The following TTN variants were observed in gnomAD, a reference collection of about 807,000 sequenced individuals.
The protein encoded by TTN is titin, also known as connectin.
TTN carries 1,525 observed loss-of-function variants against 3,223.0 expected under a neutral mutation model. The observed-to-expected ratio is 0.47, with a 90% confidence interval of 0.45 to 0.49. TTN has a LOEUF of 0.49. Among genes scored for constraint, TTN ranks in the 20% least tolerant of loss-of-function variants. TTN has a pLI of 0.00. For synonymous variants in TTN, 14,094 were observed against 15,161.0 expected, an observed-to-expected ratio of 0.93 and a Z score of 5.17; for missense variants, 40,786 against 43,424.0, an observed-to-expected ratio of 0.94 and a Z score of 5.40.
chr2:178,729,636 A>G lies in TTN; in HGVS notation c.18589+28T>C, dbSNP rs774339879. 1.9e-6 allele frequency: 3 copies of G among 1,613,614 alleles called. No homozygotes were observed. The Admixed American group carries it at 5.0e-5, about 27-fold the overall frequency. ...CCAAACTTATCAGGCAGCACAGCCAAAATGGAGAATAGATTCCATTCACGA... is the reference window on the plus strand; with the variant it reads ...CCAAACTTATCAGGCAGCACAGCCAGAATGGAGAATAGATTCCATTCACGA... On this transcript the variant is annotated intron_variant, in intron 63 of 362. Coordinates refer to ENST00000589042, the MANE Select transcript of TTN (RefSeq NM_001267550.2).
At chr2:178,745,715 TCA>T in intron 47 of TTN, 2 of 1,612,222 alleles carry the variant, frequency 1.2e-6, no homozygotes, top group Non-Finnish European at 1.7e-6. Context: ...GCCACTTTCC[TCA>T]ACAGTGAACC....
chr2:178,538,784 G>A lies in TTN; in HGVS notation c.99045C>T (p.Val33015=), dbSNP rs199642780. The A allele has an allele frequency of 2.8e-5, 45 of 1,613,526 alleles. No individual in the cohort carries two copies. The East Asian group carries it at 9.1e-4, about 33-fold the overall frequency. Residue 33015 remains valine (V), a synonymous_variant, in exon 354 of 363, where the codon GTC becomes GTT. Transcript: ENST00000589042. ...LEILSISKDS[V]TLQWEKPECD... ...ATTCAGGTTTCTCCCACTGTAGAGT[G>A]ACACTATCTTTGGATATTGAAAGAA...
chr2:178,701,010 C>T, intron 111 of TTN, 110 bp downstream of exon 111: 1 of 849,348 alleles, frequency 1.2e-6, no homozygotes, highest in Middle Eastern at 2.4e-4. Context: ...TTTTGAAAGG[C>T]AATTCCACCT....
intron 327 of TTN, 49 bp from the exon 328 acceptor site, chr2:178,558,284 T>G (rs1212143343): frequency 1.3e-6 from 2 of 1,589,034 alleles, no homozygotes; most frequent in Non-Finnish European, 1.7e-6. Flanking sequence ...TTCTGAAAAT[T>G]AACATAAATC....
chr2:178,610,055 G>A, intron 271 of TTN, 35 bp downstream of exon 271: 2 of 1,611,976 alleles, frequency 1.2e-6, no homozygotes, highest in Non-Finnish European at 1.7e-6. Flanking sequence ...TGGTTTATTA[G>A]TTCTTAGCCA....
At position 178,611,941 on chromosome 2, in the gene TTN, T is replaced by A; in HGVS notation, c.50368A>T (p.Lys16790Ter). ...CAACGGGTACCTAACCTTTCTTTCT[T>A]CTCAATGACATATCTATTGAAACAA... ...GRPIQRYVIEKKERLGTRWVK... is the reference protein window; with the variant it reads ...GRPIQRYVIE The change falls in exon 268 of 363, where the codon AAG becomes TAG. Residue 16790 changes from lysine to a stop codon, truncating the protein, a stop_gained. Coordinates refer to ENST00000589042, the MANE Select transcript of TTN (RefSeq NM_001267550.2). LOFTEE classifies it high-confidence loss of function. 1 of 1,611,516 alleles carries A rather than the reference T, an allele frequency of 6.2e-7. No individual in the cohort carries two copies. The highest frequency in any genetic ancestry group is 8.5e-7 in the Non-Finnish European group (1 of 1,178,984).
chr2:178,803,705 G>A (rs2094176039), intron 2 of TTN, among the ~76,000 whole-genome samples: 1 of 151,764 alleles, frequency 6.6e-6, no homozygotes, highest in Admixed American at 6.6e-5. Context: ...AATTAAGCAT[G>A]ATTTTTTTTA....
Position 178,773,268 on chromosome 2 carries a change from T to C in TTN, c.7696A>G (p.Asn2566Asp). ...GGCTTGATTTCCTTGTCCTTAAAAT[T>C]CCACAGGACATCAATTCCAGAGTGG... The part of the protein sequence containing the change: ...LSHSGIDVLW[N>D]FKDKEIKPSS... Residue 2566 changes from asparagine (N) to aspartate (D), a missense_variant, in exon 33 of 363, where the codon AAT (asparagine) becomes GAT (aspartate). Coordinates refer to ENST00000589042, the MANE Select transcript of TTN (RefSeq NM_001267550.2). 1 of 1,613,920 alleles carries C rather than the reference T, an allele frequency of 6.2e-7. No homozygotes were observed. Among genetic ancestry groups the C allele is most frequent in the East Asian group, 2.2e-5 (1 of 44,812 alleles).
intron 295 of TTN, 111 bp downstream of exon 295, chr2:178,595,396 G>T (rs2051283803): frequency 9.6e-7 from 1 of 1,040,990 alleles, no homozygotes; most frequent in Non-Finnish European, 1.4e-6. Context: ...TGTGATAACT[G>T]CTTGTCAAGT....
At chr2:178,758,488 T>G (rs1461534831) in intron 44 of TTN, among the ~76,000 whole-genome samples, 1 of 152,218 alleles carries the variant, frequency 6.6e-6, no homozygotes, top group Admixed American at 6.5e-5. Flanking sequence ...ACTTTAGGAC[T>G]GGACTTCTTA....
chr2:178,694,407 C>T (rs2073186178), intron 117 of TTN, 192 bp downstream of exon 117: 2 of 495,406 alleles, frequency 4.0e-6, no homozygotes, highest in Non-Finnish European at 7.2e-6. Flanking sequence ...TTAAGCAGAA[C>T]TAGAAACAAA....
chr2:178,652,706 T>A lies in TTN; in HGVS notation c.38990A>T (p.Glu12997Val), dbSNP rs1174449187. 1 of 1,613,240 alleles carries A rather than the reference T, an allele frequency of 6.2e-7. No individual in the cohort carries two copies. The highest frequency in any genetic ancestry group is 1.3e-5 in the African/African-American group (1 of 74,862). The change falls in exon 201 of 363, where the codon GAA becomes GTA. Residue 12997 changes from glutamate (E) to valine (V), a missense_variant. By Grantham distance (121) the Glu-to-Val change is moderately radical. Transcript: ENST00000589042. ...AGGAGGAGCCGAGGGCACTTTCTTTTCAGGAACAACCTCTTTGGGAGCCTC... is the reference window on the plus strand; with the variant it reads ...AGGAGGAGCCGAGGGCACTTTCTTTACAGGAACAACCTCTTTGGGAGCCTC... Reference protein sequence around the residue: ...VPEAPKEVVPEKKVPSAPPKK... With the variant: ...VPEAPKEVVPVKKVPSAPPKK...
rs1411198108 is a variant in TTN, at chr2:178,574,851, T to A, written c.71281A>T (p.Asn23761Tyr). ...PENDGGVPISNYVVEMRQTDS... is the reference protein window; with the variant it reads ...PENDGGVPISYYVVEMRQTDS... ...GTCTGCCGCATTTCCACTACATAGT[T>A]GCTTATTGGTACACCACCATCGTTC... The change falls in exon 326 of 363, where the codon AAC becomes TAC. Residue 23761 changes from asparagine (N) to tyrosine (Y), a missense_variant. Coordinates refer to ENST00000589042, the MANE Select transcript of TTN (RefSeq NM_001267550.2). 2 of 1,613,114 alleles carry A rather than the reference T, an allele frequency of 1.2e-6. No homozygotes were observed. The highest frequency in any genetic ancestry group is 2.2e-5 in the South Asian group (2 of 91,052).
In TTN at chr2:178,667,666, A is replaced by T; in HGVS notation, c.35601T>A (p.Pro11867=). The T allele has an allele frequency of 6.3e-7, 1 of 1,597,314 alleles. No individual in the cohort carries two copies. Among genetic ancestry groups the T allele is most frequent in the Non-Finnish European group, 8.5e-7 (1 of 1,179,226 alleles). The part of the protein sequence containing the change: ...VLEEKVLVTQ[P]QKTKPKLAKV... ...TTGCTAGTTTGGGTTTTGTCTTTTG[A>T]GGTTGAGTCACAAGTACTTTTTCTT... The change falls in exon 160 of 363, where the codon CCT becomes CCA. Residue 11867 remains proline, a synonymous_variant. Coordinates refer to ENST00000589042, the MANE Select transcript of TTN (RefSeq NM_001267550.2).
intron 79 of TTN, 29 bp downstream of exon 79, chr2:178,720,892 A>G (rs2078257339): frequency 6.5e-7 from 1 of 1,544,344 alleles, no homozygotes; most frequent in Admixed American, 2.0e-5. Context: ...GAGGAGAATA[A>G]AGAAACAAAG....
Position 178,539,219 on chromosome 2 carries a change from C to CTTCTGGAGGATTGCTTGGAGG in TTN, c.98695_98715dup (p.Pro32899_Glu32905dup). On this transcript the variant is annotated inframe_insertion, in exon 353 of 363. Coordinates refer to ENST00000589042, the MANE Select transcript of TTN (RefSeq NM_001267550.2). ...ACAGAACTCTTGGTTACATCGAGTA[C>CTTCTGGAGGATTGCTTGGAGG]TTCTGGAGGATTGCTTGGAGGTTCT... 1 of 1,613,722 alleles carries CTTCTGGAGGATTGCTTGGAGG rather than the reference C, an allele frequency of 6.2e-7. No homozygotes were observed. Among genetic ancestry groups the CTTCTGGAGGATTGCTTGGAGG allele is most frequent in the South Asian group, 1.1e-5 (1 of 91,070 alleles).
chr2:178,545,859 G>T lies in TTN; in HGVS notation c.95377C>A (p.Pro31793Thr), dbSNP rs1466581888. The change falls in exon 343 of 363, where the codon CCT becomes ACT. Residue 31793 changes from proline (P) to threonine (T), a missense_variant. Pro to Thr is a conservative substitution (Grantham distance 38). Transcript: ENST00000589042. Reference protein sequence around the residue: ...RAVNKYGPGVPVESEPIVARN... With the variant: ...RAVNKYGPGVTVESEPIVARN... ...GCTACAATTGGCTCTGATTCAACAG[G>T]CACACCAGGGCCATATTTGTTTACT... 3.1e-6 allele frequency: 5 copies of T among 1,613,734 alleles called. No homozygotes were observed. The South Asian group carries it at 5.5e-5, about 18-fold the overall frequency.
Position 178,574,469 on chromosome 2 carries a change from G to T in TTN, c.71663C>A (p.Ser23888Ter). ...KALVPGNIFKSSGLTDGIAYE... is the reference protein window; with the variant it reads ...KALVPGNIFK The stretch of plus-strand genomic sequence containing the variant: ...AGCAATACCATCTGTAAGTCCACTT[G>T]ATTTGAAAATGTTGCCTGGTACTAA... Residue 23888 changes from serine (S) to a stop codon, truncating the protein, a stop_gained, in exon 326 of 363, where the codon TCA becomes TAA. Coordinates refer to ENST00000589042, the MANE Select transcript of TTN (RefSeq NM_001267550.2). LOFTEE classifies it high-confidence loss of function. 1 of 1,613,610 alleles carries T rather than the reference G, an allele frequency of 6.2e-7. No homozygotes were observed. The highest frequency in any genetic ancestry group is 1.7e-5 in the Admixed American group (1 of 60,012).
chr2:178,606,544 A>G (rs2054872647), intron 278 of TTN, among the ~76,000 whole-genome samples: 1 of 151,820 alleles, frequency 6.6e-6, no homozygotes, highest in Admixed American at 6.6e-5. Flanking sequence ...TTGGTTTTCT[A>G]TTCTTTGGAG....
Sources: gnomAD v4.1 joint callset for allele counts (sites outside exome capture counted in the v4.1 genomes callset) on GRCh38, gnomAD v4.1.1 for gene constraint, MANE v1.5 for transcripts, NCBI Gene and HGNC (gene_info 2026-07-23, HGNC 2026-07-21) for gene names.